Variants in TSFM observed in about 807,000 individuals in gnomAD.
TSFM encodes the protein Ts translation elongation factor, mitochondrial, also known as elongation factor Ts, mitochondrial.
In TSFM, 29 loss-of-function variants were observed where a neutral mutation model predicts 33.4. The ratio of observed to expected loss-of-function variants is 0.87; its 90% CI spans 0.65 to 1.18. The LOEUF is 1.18. Among genes scored for constraint, TSFM ranks in the 50% most tolerant of loss-of-function variants. The pLI, the probability that TSFM is intolerant of heterozygous loss-of-function variation, is 0.00. For synonymous variants in TSFM, 178 were observed against 163.5 expected (o/e 1.09, Z -0.68); for missense variants, 394 against 395.6 (o/e 1.00, Z 0.04).
intron 4 of TSFM, among the ~76,000 whole-genome samples, chr12:57,791,570 T>C (rs1053545203): frequency 5.9e-5 from 9 of 152,240 alleles, no homozygotes; most frequent in African/African-American, 1.2e-4. Context: ...TATACACTTA[T>C]AATCTGCTTT....
Position 57,790,048 on chromosome 12 carries a change from A to ATTTC in TSFM, c.483+2898_483+2901dup, listed in dbSNP as rs1161035260. On this transcript the variant is annotated intron_variant, in intron 4 of 5. Coordinates refer to ENST00000652027, the MANE Select transcript of TSFM (RefSeq NM_005726.6). ...CAAGATTTGAATGTTAGGTGTGCTG[A>ATTTC]TTTCTTTCTTTCTTTTTTTTTTTTT... is the stretch of plus-strand genomic sequence containing the variant. Among the ~76,000 whole-genome samples, 23 of 125,264 alleles carry ATTTC rather than the reference A, an allele frequency of 1.8e-4. 1 individual carries two copies. The highest frequency in any genetic ancestry group is 5.8e-4 in the African/African-American group (20 of 34,304). The allele number at this position is 125,264 out of a possible 152,430, so 82.2% of individuals were successfully genotyped here.
intron 2 of TSFM, among the ~76,000 whole-genome samples, chr12:57,784,882 A>G (rs1327681472): frequency 6.7e-6 from 1 of 150,284 alleles, no homozygotes; most frequent in African/African-American, 2.4e-5. Flanking sequence ...CTCTGTCTCA[A>G]AAAAAAAAAC....
intron 4 of TSFM, 90 bp from the exon 5 acceptor site, chr12:57,792,896 C>T: frequency 2.2e-6 from 3 of 1,350,436 alleles, no homozygotes; most frequent in Non-Finnish European, 3.1e-6. Context: ...CTGGCCAATA[C>T]TTTTCTTAGA....
In TSFM at chr12:57,787,180, C is replaced by T. The variant is rs368386120; in HGVS notation, c.483+18C>T. ...ACAGTAAAGTAAGTTTGGGATTTGT[C>T]TCCAGTGTGCTGAATTTGCTGTCCT... is the stretch of plus-strand genomic sequence containing the variant. On this transcript the variant is annotated intron_variant, in intron 4 of 5. Coordinates refer to ENST00000652027, the MANE Select transcript of TSFM (RefSeq NM_005726.6). 1.4e-5 allele frequency: 22 copies of T among 1,552,112 alleles called. No homozygotes were observed. In the African/African-American group the frequency reaches 2.5e-4, roughly 17 times the overall value.
At chr12:57,785,932 A>G (rs1317377677) in intron 2 of TSFM, among the ~76,000 whole-genome samples, 3 of 152,228 alleles carry the variant, frequency 2.0e-5, no homozygotes, top group South Asian at 2.1e-4. Flanking sequence ...GTATAAAGAA[A>G]ATACAACTGT....
intron 2 of TSFM, chr12:57,784,139 G>T (rs1283280728): frequency 5.7e-6 from 4 of 702,302 alleles, no homozygotes; most frequent in African/African-American, 1.7e-5. Flanking sequence ...AATGTTACTG[G>T]ACTGAATACT....
chr12:57,797,920 TC>T (rs1955768504), downstream of TSFM: 1 of 1,612,444 alleles, frequency 6.2e-7, no homozygotes, highest in South Asian at 1.1e-5. Flanking sequence ...TGGAGCTGTT[TC>T]CAGCCAGGCA....
At chr12:57,799,698 A>C (rs1170511537), downstream of TSFM, 6 of 1,539,628 alleles carry the variant, frequency 3.9e-6, no homozygotes, top group African/African-American at 8.2e-5. Context: ...TTGAGCGGCT[A>C]CAATGTGCCG....
At chr12:57,800,765 G>A (rs528619657), downstream of TSFM, 11 of 160,552 alleles carry the variant, frequency 6.9e-5, no homozygotes, top group East Asian at 3.6e-4. Flanking sequence ...ATGCCACCAC[G>A]GCCGGCTAAT....
At chr12:57,795,048 C>T (rs920095365) in intron 5 of TSFM, among the ~76,000 whole-genome samples, 7 of 148,468 alleles carry the variant, frequency 4.7e-5, no homozygotes, top group South Asian at 2.1e-4. Context: ...CGTGAGCCAC[C>T]GCACCCAGCC....
intron 3 of TSFM, among the ~76,000 whole-genome samples, 184 bp from the exon 4 acceptor site, chr12:57,786,856 C>A (rs1955597514): frequency 6.6e-6 from 1 of 152,196 alleles, no homozygotes; most frequent in South Asian, 2.1e-4. Flanking sequence ...ACTGGCCCAA[C>A]ATAAATCACT....
intron 4 of TSFM, among the ~76,000 whole-genome samples, chr12:57,788,965 C>CCT (rs1955626400): frequency 7.3e-6 from 1 of 136,124 alleles, no homozygotes; most frequent in African/African-American, 2.7e-5. Context: ...TATCATCGCC[C>CCT]TTTTTTTTTT....
chr12:57,783,816 G>T, intron 2 of TSFM: 3 of 618,120 alleles, frequency 4.9e-6, no homozygotes, highest in Non-Finnish European at 5.7e-6. Context: ...GGGTTTCGCC[G>T]TGTCGGCCAG....
downstream of TSFM, chr12:57,800,032 G>T: frequency 1.5e-6 from 2 of 1,367,032 alleles, no homozygotes; most frequent in South Asian, 1.4e-5. Flanking sequence ...TTCACCCTCT[G>T]TAATCATCTT....
At chr12:57,794,799 G>T (rs919984570) in intron 5 of TSFM, among the ~76,000 whole-genome samples, 1 of 152,034 alleles carries the variant, frequency 6.6e-6, no homozygotes, top group Non-Finnish European at 1.5e-5. Context: ...TTGCTCTGTT[G>T]CCCAGGCTGG....
chr12:57,782,806 C>T lies in TSFM; in HGVS notation c.5C>T (p.Ser2Leu), dbSNP rs35957924. Residue 2 changes from serine (S) to leucine (L), a missense_variant, in exon 1 of 6, where the codon TCG becomes TTG. Around this residue, in one of 3 missense-constraint regions of TSFM, gnomAD observed 208 missense variants for 180.4 expected, o/e 1.15. Coordinates refer to ENST00000652027, the MANE Select transcript of TSFM (RefSeq NM_005726.6). MSLLRSLRVFLV... is the reference protein window; with the variant it reads MLLLRSLRVFLV... ...GTGTTTATCGCGGCTAGAGAGATGT[C>T]GCTGCTGCGGTCGCTGCGCGTGTTT... 1.3e-3 allele frequency: 2,003 copies of T among 1,591,124 alleles called. 21 individuals are homozygous for T. The African/African-American group carries it at 0.023, about 18-fold the overall frequency.
chr12:57,794,050 C>G (rs1437074845), intron 5 of TSFM, among the ~76,000 whole-genome samples: 1 of 152,208 alleles, frequency 6.6e-6, no homozygotes, highest in Non-Finnish European at 1.5e-5. Flanking sequence ...TGGGAATTTA[C>G]TAATCTGAAG....
Position 57,796,635 on chromosome 12 carries a change from C to T in TSFM, c.*52C>T, listed in dbSNP as rs1284133182. ...AATATTTACTTTTAGCTCTGGACAT[C>T]ATTACAAAAAGGAATATTTCCCAAA... is the stretch of plus-strand genomic sequence containing the variant. On this transcript the variant is annotated 3_prime_UTR_variant, in exon 6 of 6. Coordinates refer to ENST00000652027, the MANE Select transcript of TSFM (RefSeq NM_005726.6). The T allele has an allele frequency of 2.3e-6, 3 of 1,301,748 alleles. No individual in the cohort carries two copies. Among genetic ancestry groups the T allele is most frequent in the Admixed American group, 3.5e-5 (1 of 28,360 alleles). 80.6% of individuals were successfully genotyped at this position (1,301,748 alleles called of 1,614,324 possible).
chr12:57,796,721 T>G lies in TSFM; in HGVS notation c.*138T>G. ...AAATAGTTGTATAATAAAAATAATT[T>G]TTTCCTTGTTTGCGTAATACTGGAT... On this transcript the variant is annotated 3_prime_UTR_variant, in exon 6 of 6. Transcript: ENST00000652027. 1 of 1,240,510 alleles carries G rather than the reference T, an allele frequency of 8.1e-7. No homozygotes were observed. The highest frequency in any genetic ancestry group is 1.0e-6 in the Non-Finnish European group (1 of 991,658). 76.8% of individuals were successfully genotyped at this position (1,240,510 alleles called of 1,614,324 possible). A position where few individuals can be genotyped will look rare whatever the true frequency, so the allele number is the denominator to read the frequency against.
Sources: allele counts gnomAD v4.1 joint callset (sites outside exome capture counted in the v4.1 genomes callset), GRCh38; gene constraint gnomAD v4.1.1; regional missense constraint gnomAD v4.1.1; transcripts MANE v1.5; gene names NCBI Gene and HGNC (gene_info 2026-07-23, HGNC 2026-07-21).